Variants in KIAA2012 observed in about 807,000 individuals in gnomAD.
KIAA2012 encodes KIAA2012, also known as uncharacterized protein KIAA2012.
In KIAA2012, 125 loss-of-function variants were observed where a neutral mutation model predicts 150.6. The observed-to-expected ratio is 0.83, with a 90% CI of 0.72 to 0.96. The LOEUF is 0.96. KIAA2012 is among the 40% of genes least tolerant of loss of function. The probability of loss-of-function intolerance (pLI) is 0.00; values close to 1 mark genes in which losing one functional copy is unlikely to be tolerated. For synonymous variants in KIAA2012, 462 were observed against 504.7 expected, an observed-to-expected ratio of 0.92 and a Z score of 1.13; for missense variants, 1,219 against 1,354.9, an observed-to-expected ratio of 0.90 and a Z score of 1.57.
chr2:202,073,714 G>A lies in KIAA2012; in HGVS notation c.84+3G>A. The stretch of plus-strand genomic sequence containing the variant: ...TAGAAGTCTACTTTGAACCAGAGGT[G>A]AGTCCCACAGCTGAAGAAAGGCACA... On this transcript the variant is annotated splice_donor_region_variant and intron_variant, in intron 1 of 23. Transcript: ENST00000498697. 6.5e-7 allele frequency: 1 copy of A among 1,550,280 alleles called. No individual in the cohort carries two copies.
chr2:202,155,475 C>T (rs1574295854), intron 14 of KIAA2012, among the ~76,000 whole-genome samples: 1 of 152,170 alleles, frequency 6.6e-6, no homozygotes. Context: ...GGCCCCTTTC[C>T]TACCCATTCT....
chr2:202,137,720 A>T (rs1316511402), intron 12 of KIAA2012: 1 of 152,226 alleles, frequency 6.6e-6, no homozygotes, highest in African/African-American at 2.4e-5. Context: ...ATCCTTACTC[A>T]AAACCTCACT....
chr2:202,192,725 A>C (rs1326351700), intron 19 of KIAA2012, among the ~76,000 whole-genome samples: 2 of 152,122 alleles, frequency 1.3e-5, no homozygotes, highest in Admixed American at 6.5e-5. Flanking sequence ...CAAAAGTGCT[A>C]GGATTACAGG....
chr2:202,074,336 T>C (rs113767533), intron 1 of KIAA2012, among the ~76,000 whole-genome samples: 11 of 152,220 alleles, frequency 7.2e-5, no homozygotes, highest in African/African-American at 2.7e-4. Context: ...ACCTTTGCTG[T>C]GTTAAACGGC....
At chr2:202,166,212 C>T (rs1250972955) in intron 15 of KIAA2012, among the ~76,000 whole-genome samples, 6 of 152,146 alleles carry the variant, frequency 3.9e-5, no homozygotes, top group Non-Finnish European at 8.8e-5. Context: ...TTATTCAGAC[C>T]ATGTTTAATG....
chr2:202,076,195 G>A (rs560168084), intron 2 of KIAA2012, among the ~76,000 whole-genome samples: 3 of 150,368 alleles, frequency 2.0e-5, no homozygotes, highest in South Asian at 2.1e-4. Context: ...TTCCCATACC[G>A]TCATGCACTG....
intron 10 of KIAA2012, among the ~76,000 whole-genome samples, chr2:202,112,102 C>T (rs1690373731): frequency 6.6e-6 from 1 of 152,148 alleles, no homozygotes; most frequent in African/African-American, 2.4e-5. Context: ...CCTTTGAAAA[C>T]ACCTGAGTTT....
chr2:202,170,909 A>G (rs1691873308), intron 15 of KIAA2012, among the ~76,000 whole-genome samples: 1 of 152,224 alleles, frequency 6.6e-6, no homozygotes, highest in Non-Finnish European at 1.5e-5. Flanking sequence ...AGGCCTTGGT[A>G]TCCCTATTTG....
chr2:202,189,481 AG>A (rs948576484), intron 18 of KIAA2012, among the ~76,000 whole-genome samples: 1 of 151,870 alleles, frequency 6.6e-6, no homozygotes, highest in African/African-American at 2.4e-5. Context: ...TAGTAGAGAC[AG>A]GGTTTCACCA....
intron 15 of KIAA2012, among the ~76,000 whole-genome samples, chr2:202,177,885 A>G (rs1260656873): frequency 6.6e-6 from 1 of 152,202 alleles, no homozygotes; most frequent in Non-Finnish European, 1.5e-5. Context: ...TGTGTCTTAA[A>G]TGTTTGATTT....
chr2:202,161,959 ACT>A (rs1447901668), intron 14 of KIAA2012, among the ~76,000 whole-genome samples: 1 of 151,706 alleles, frequency 6.6e-6, no homozygotes, highest in African/African-American at 2.4e-5. Context: ...TGTTTCCATC[ACT>A]CTGTTTTAAT....
intron 4 of KIAA2012, among the ~76,000 whole-genome samples, chr2:202,095,655 A>C (rs1167482191): frequency 6.6e-6 from 1 of 152,212 alleles, no homozygotes; most frequent in East Asian, 1.9e-4. Flanking sequence ...ATGTTTACTA[A>C]GAAAAAAAAT....
intron 7 of KIAA2012, among the ~76,000 whole-genome samples, chr2:202,101,363 A>G (rs1466045811): frequency 6.6e-6 from 1 of 152,206 alleles, no homozygotes; most frequent in Non-Finnish European, 1.5e-5. Flanking sequence ...TTCCATCCAC[A>G]CCAGAAGGGC....
chr2:202,097,519 G>A lies in KIAA2012; in HGVS notation c.770G>A (p.Gly257Glu), dbSNP rs1415586310. 2 of 1,550,496 alleles carry A rather than the reference G, an allele frequency of 1.3e-6. No homozygotes were observed. Among genetic ancestry groups the A allele is most frequent in the African/African-American group, 1.4e-5 (1 of 73,122 alleles). Residue 257 changes from glycine (G) to glutamate (E), a missense_variant, in exon 5 of 24, where the codon GGG (glycine) becomes GAG (glutamate). Coordinates refer to ENST00000498697, the MANE Select transcript of KIAA2012 (RefSeq NM_001277372.4). ...CTAGCCAAGAACCATGGCAGTCAGG[G>A]GACTCGCTTGCCACCACGCAGGAAG... ...GPLAKNHGSQ[G>E]TRLPPRRKQP... is the part of the protein sequence containing the mutation.
rs1692191985 is a variant in KIAA2012, at chr2:202,184,762, C to G, written c.2129C>G (p.Pro710Arg). The G allele has an allele frequency of 1.9e-6, 3 of 1,541,542 alleles. No homozygotes were observed. ...TACTCTGTTTTCACAGACCCAGAGC[C>G]AAGGAGTATGACCCTTGACTCTCCC... is the stretch of plus-strand genomic sequence containing the variant. ...ETHHNDQDPE[P>R]RSMTLDSPRA... The change falls in exon 16 of 24, where the codon CCA (proline) becomes CGA (arginine). Residue 710 changes from proline (P) to arginine (R), a missense_variant. Coordinates refer to ENST00000498697, the MANE Select transcript of KIAA2012 (RefSeq NM_001277372.4).
intron 2 of KIAA2012, among the ~76,000 whole-genome samples, chr2:202,087,249 C>T (rs1367918436): frequency 6.6e-6 from 1 of 152,076 alleles, no homozygotes; most frequent in African/African-American, 2.4e-5. Context: ...TGGTGACTCA[C>T]GCCTGGAGTC....
chr2:202,089,769 G>A (rs1689671238), intron 2 of KIAA2012, among the ~76,000 whole-genome samples: 1 of 152,210 alleles, frequency 6.6e-6, no homozygotes, highest in Non-Finnish European at 1.5e-5. Context: ...TGGTGGGTAG[G>A]AGGATACTGA....
In KIAA2012 at chr2:202,194,285, G is replaced by T. The variant is rs868513762; in HGVS notation, c.3110G>T (p.Arg1037Leu). The T allele has an allele frequency of 6.4e-7, 1 of 1,550,462 alleles. No individual in the cohort carries two copies. The highest frequency in any genetic ancestry group is 8.7e-7 in the Non-Finnish European group (1 of 1,147,012). ...TTGAAAGCAGCCCAGGAGAGAGCCC[G>T]GCAACAGCAAGAGGAGTTTCGGAGG... is the stretch of plus-strand genomic sequence containing the variant. ...LRLKAAQERA[R>L]QQQEEFRRKL... Residue 1037 changes from arginine (R) to leucine (L), a missense_variant, in exon 21 of 24, where the codon CGG becomes CTG. Arg to Leu is a moderately radical substitution (Grantham distance 102, BLOSUM62 -2). Transcript: ENST00000498697.
At chr2:202,177,495 C>T (rs766648211) in intron 15 of KIAA2012, among the ~76,000 whole-genome samples, 2 of 152,198 alleles carry the variant, frequency 1.3e-5, no homozygotes, top group Non-Finnish European at 2.9e-5. Flanking sequence ...AGGTTTCTTA[C>T]TGTGTCCTCA....
Sources: allele counts gnomAD v4.1 joint callset (sites outside exome capture counted in the v4.1 genomes callset), GRCh38; gene constraint gnomAD v4.1.1; transcripts MANE v1.5; gene names NCBI Gene and HGNC (gene_info 2026-07-23, HGNC 2026-07-21).